ITPRID1: variants seen among roughly 807,000 people sequenced by gnomAD.
ITPRID1 encodes the protein ITPR interacting domain containing 1, also known as protein ITPRID1.
ITPRID1 carries 96 observed loss-of-function variants against 95.4 expected under a neutral mutation model. The observed-to-expected ratio is 1.01, with a 90% CI of 0.85 to 1.19. The LOEUF (loss-of-function observed/expected upper bound fraction) is 1.19. Ranked by LOEUF, ITPRID1 falls within the 50% of genes most tolerant of loss-of-function variation. ITPRID1 has a pLI of 0.00. For missense variants in ITPRID1, 1,339 were observed against 1,252.9 expected, an observed-to-expected ratio of 1.07 and a Z score of -1.04; for synonymous variants, 510 against 453.6, an observed-to-expected ratio of 1.12 and a Z score of -1.58.
chr7:31,564,559 G>C (rs1303550643), intron 5 of ITPRID1, among the ~76,000 whole-genome samples: 2 of 152,074 alleles, frequency 1.3e-5, no homozygotes, highest in African/African-American at 4.8e-5. Flanking sequence ...AGACCCTAGC[G>C]AGCGGTCTTG....
intron 10 of ITPRID1, among the ~76,000 whole-genome samples, chr7:31,616,225 A>C (rs189152641): frequency 6.6e-6 from 1 of 152,136 alleles, no homozygotes; most frequent in African/African-American, 2.4e-5. Flanking sequence ...ATGGTTTTTA[A>C]TCGTGCCTCT....
At chr7:31,635,768 C>A (rs1789428812) in intron 10 of ITPRID1, among the ~76,000 whole-genome samples, 2 of 151,670 alleles carry the variant, frequency 1.3e-5, no homozygotes, top group East Asian at 3.9e-4. Flanking sequence ...CACATTGGGG[C>A]TTGTAAGGGG....
At chr7:31,637,072 T>A (rs1191708124) in intron 10 of ITPRID1, among the ~76,000 whole-genome samples, 1 of 152,032 alleles carries the variant, frequency 6.6e-6, no homozygotes. Flanking sequence ...AATTCATCAT[T>A]TTTTTATGGC....
chr7:31,642,620 C>T, intron 11 of ITPRID1, 62 bp from the exon 12 acceptor site: 1 of 1,472,654 alleles, frequency 6.8e-7, no homozygotes, highest in South Asian at 1.3e-5. Context: ...AAAATCTCAC[C>T]TTAAACCTAT....
chr7:31,563,752 C>A (rs1485385465), intron 5 of ITPRID1, among the ~76,000 whole-genome samples: 4 of 151,740 alleles, frequency 2.6e-5, no homozygotes, highest in African/African-American at 9.7e-5. Context: ...CGAGGGTTTA[C>A]AATAGGGGGC....
intron 10 of ITPRID1, among the ~76,000 whole-genome samples, chr7:31,622,982 G>A (rs38353): frequency 0.24 from 36,603 of 151,920 alleles, 5,596 homozygotes; most frequent in Non-Finnish European, 0.33. Flanking sequence ...AAACATCTAC[G>A]CCAATAAACT....
At chr7:31,580,278 A>G (rs1349391673) in intron 9 of ITPRID1, among the ~76,000 whole-genome samples, 2 of 143,166 alleles carry the variant, frequency 1.4e-5, no homozygotes, top group Non-Finnish European at 3.0e-5. Flanking sequence ...AGCCTAGACA[A>G]CAAGAGCAAA....
rs1583489311 is a variant in ITPRID1 at position 31,553,144 on chromosome 7, T to C, written c.120T>C (p.Pro40=). 13 of 1,592,136 alleles carry C rather than the reference T, an allele frequency of 8.2e-6. No individual in the cohort carries two copies. The highest frequency in any genetic ancestry group is 1.1e-5 in the Non-Finnish European group (13 of 1,168,346). The change falls in exon 3 of 15, where the codon CCT becomes CCC. Residue 40 remains proline, a synonymous_variant. Transcript: ENST00000615280. ...CTCCGCTGGATGAGTGGCTGCCCCCTGACCCTGAGGAGGAAAGCCAGAGTC... is the reference window on the plus strand; with the variant it reads ...CTCCGCTGGATGAGTGGCTGCCCCCCGACCCTGAGGAGGAAAGCCAGAGTC... ...AWAPLDEWLP[P]DPEEESQSLT...
chr7:31,625,156 C>T (rs1163355758), intron 10 of ITPRID1, among the ~76,000 whole-genome samples: 2 of 152,242 alleles, frequency 1.3e-5, no homozygotes, highest in East Asian at 1.9e-4. Flanking sequence ...GAAATAGGAA[C>T]ACTTTTACAT....
chr7:31,519,370 A>C (rs1394591493), intron 1 of ITPRID1, among the ~76,000 whole-genome samples: 2 of 152,022 alleles, frequency 1.3e-5, no homozygotes, highest in African/African-American at 4.8e-5. Flanking sequence ...AAATTGTATT[A>C]ACTTCTTGTT....
chr7:31,614,121 T>C (rs1380215582), intron 10 of ITPRID1, among the ~76,000 whole-genome samples: 2 of 152,190 alleles, frequency 1.3e-5, no homozygotes, highest in Non-Finnish European at 2.9e-5. Context: ...CCACACAATG[T>C]TCTTTACCCC....
chr7:31,521,620 CTCCTTCCT>C (rs201520895), intron 1 of ITPRID1, among the ~76,000 whole-genome samples: 4,601 of 68,884 alleles, frequency 0.067, 121 homozygotes, highest in Middle Eastern at 0.19. Flanking sequence ...TCTCCTTTCC[CTCCTTCCT>C]TCCTTCCTTC....
rs1382900403 is a variant in ITPRID1 at position 31,519,608 on chromosome 7, CTCTCTCTCTCTCTA to C, written c.-98+5490_-98+5503del. 2.9e-4 allele frequency among the ~76,000 whole-genome samples: 16 copies of C among 54,694 alleles called. No homozygotes were observed. The South Asian group carries it at 3.7e-3, about 13-fold the overall frequency. 35.9% of individuals were successfully genotyped at this position (54,694 alleles called of 152,430 possible). ...TCTCTCTCTCTCTCTCTCTCTCTCT[CTCTCTCTCTCTCTA>C]TATATATATATATATATATATATAA... On this transcript the variant is annotated intron_variant, in intron 1 of 14. Transcript: ENST00000615280.
chr7:31,519,322 C>T (rs899757783), intron 1 of ITPRID1, among the ~76,000 whole-genome samples: 1 of 151,948 alleles, frequency 6.6e-6, no homozygotes, highest in Non-Finnish European at 1.5e-5. Flanking sequence ...CTCAGACAGG[C>T]GTTTCTCATC....
chr7:31,550,918 CAG>C (rs945900824), intron 2 of ITPRID1, among the ~76,000 whole-genome samples: 1 of 143,142 alleles, frequency 7.0e-6, no homozygotes, highest in African/African-American at 2.5e-5. Context: ...TTTGAAAAAG[CAG>C]TCACTAACTT....
At chr7:31,602,679 T>C (rs1322830059) in intron 10 of ITPRID1, among the ~76,000 whole-genome samples, 1 of 152,146 alleles carries the variant, frequency 6.6e-6, no homozygotes, top group African/African-American at 2.4e-5. Context: ...TGGAAGGGAA[T>C]GGACAGGAGA....
intron 10 of ITPRID1, among the ~76,000 whole-genome samples, chr7:31,633,522 A>T (rs1316714617): frequency 6.6e-6 from 1 of 152,230 alleles, no homozygotes; most frequent in Non-Finnish European, 1.5e-5. Flanking sequence ...ATTGAAAATT[A>T]ATTTTGTAAA....
intron 10 of ITPRID1, among the ~76,000 whole-genome samples, chr7:31,599,658 TC>T (rs1165370962): frequency 0.18 from 2,712 of 14,676 alleles, 75 homozygotes; most frequent in Non-Finnish European, 0.2. Flanking sequence ...TTTCTTTCTT[TC>T]CTTTCTCTCT....
intron 1 of ITPRID1, among the ~76,000 whole-genome samples, chr7:31,538,013 T>C (rs1050410631): frequency 6.6e-6 from 1 of 152,236 alleles, no homozygotes; most frequent in Admixed American, 6.5e-5. Flanking sequence ...CTATAACTTA[T>C]GTAATAGCAA....
Sources: allele counts gnomAD v4.1 joint callset (sites outside exome capture counted in the v4.1 genomes callset), GRCh38; gene constraint gnomAD v4.1.1; transcripts MANE v1.5; gene names NCBI Gene and HGNC (gene_info 2026-07-23, HGNC 2026-07-21).